The following LPIN1 variants were observed in gnomAD, a reference collection of about 807,000 sequenced individuals.
LPIN1 encodes the protein lipin 1, also known as phosphatidate phosphatase LPIN1.
In LPIN1, 71 loss-of-function variants were observed where a neutral mutation model predicts 107.5. The ratio of observed to expected loss-of-function variants is 0.66; its 90% CI spans 0.55 to 0.80. LPIN1 has a LOEUF of 0.80. Among genes scored for constraint, LPIN1 ranks in the 30% least tolerant of loss-of-function variants. The pLI is 0.00. For synonymous variants in LPIN1, 445 were observed against 452.6 expected (o/e 0.98, Z 0.21); for missense variants, 1,043 against 1,160.6 (o/e 0.90, Z 1.47).
At position 11,787,082 on chromosome 2, in the gene LPIN1, C is replaced by G. The variant is rs770287162; in HGVS notation, c.1558C>G (p.Leu520Val). 2 of 1,613,090 alleles carry G rather than the reference C, an allele frequency of 1.2e-6. No individual in the cohort carries two copies. The highest frequency in any genetic ancestry group is 1.7e-6 in the Non-Finnish European group (2 of 1,179,032). The change falls in exon 11 of 21, where the codon CTG (leucine) becomes GTG (valine). Residue 520 changes from leucine (L) to valine (V), a missense_variant. Physicochemically the swap from Leu to Val is conservative, Grantham distance 32. Coordinates refer to ENST00000674199, the MANE Select transcript of LPIN1 (RefSeq NM_001349206.2). ...DHREITKDAF[L>V]EQAVSYQQFV... ...TGCAATTGCTGTCACAGATGCATTC[C>G]TGGAGCAAGCTGTGTCATATCAACA...
At chr2:11,750,116 C>G (rs765579627) in intron 1 of LPIN1, among the ~76,000 whole-genome samples, 1 of 152,120 alleles carries the variant, frequency 6.6e-6, no homozygotes, top group South Asian at 2.1e-4. Flanking sequence ...TGGAAGCCCT[C>G]GCACCTCTCC....
At chr2:11,809,260 G>C (rs1679238116) in intron 17 of LPIN1, among the ~76,000 whole-genome samples, 1 of 152,102 alleles carries the variant, frequency 6.6e-6, no homozygotes, top group African/African-American at 2.4e-5. Flanking sequence ...TTTCATACAT[G>C]CTTTTATATT....
At chr2:11,787,523 C>T (rs919972911) in intron 11 of LPIN1, among the ~76,000 whole-genome samples, 16 of 151,418 alleles carry the variant, frequency 1.1e-4, no homozygotes, top group African/African-American at 3.2e-4. Flanking sequence ...ACCTCCGCCT[C>T]GCAAAGTGCT....
rs201699949 is a variant in LPIN1, at chr2:11,773,605, T to C, written c.597-15T>C. 2.2e-5 allele frequency: 35 copies of C among 1,607,832 alleles called. No homozygotes were observed. Among genetic ancestry groups the C allele is most frequent in the Admixed American group, 5.0e-5 (3 of 59,948 alleles). On this transcript the variant is annotated splice_polypyrimidine_tract_variant and intron_variant, in intron 4 of 20. Transcript: ENST00000674199. ...TAAGAATTCTTTGACTTTAATCTTT[T>C]TTTTTTTCCTCCAGAACTCTTCCTA... is the stretch of plus-strand genomic sequence containing the variant.
chr2:11,760,527 G>A (rs926485035), intron 1 of LPIN1, among the ~76,000 whole-genome samples: 1 of 152,218 alleles, frequency 6.6e-6, no homozygotes, highest in African/African-American at 2.4e-5. Context: ...CAAAAAATAC[G>A]AAAACCAGTC....
intron 1 of LPIN1, among the ~76,000 whole-genome samples, chr2:11,749,131 T>TG (rs1558794805): frequency 6.6e-6 from 1 of 152,020 alleles, no homozygotes; most frequent in Non-Finnish European, 1.5e-5. Context: ...ACGGGGTGTG[T>TG]GGGGAAAAAA....
intron 1 of LPIN1, among the ~76,000 whole-genome samples, chr2:11,701,344 C>T (rs1558731408): frequency 6.6e-6 from 1 of 152,092 alleles, no homozygotes; most frequent in Non-Finnish European, 1.5e-5. Context: ...TCGTAATTAC[C>T]CCACTGATGA....
chr2:11,815,453 C>T (rs545007132), intron 18 of LPIN1, among the ~76,000 whole-genome samples: 11 of 152,304 alleles, frequency 7.2e-5, no homozygotes, highest in East Asian at 3.9e-4. Context: ...AGGAGCTTGG[C>T]GCTTGGTGGC....
rs190591514 is a variant in LPIN1, at chr2:11,825,626, C to T, written c.*835C>T. 9 of 152,768 alleles carry T rather than the reference C, an allele frequency of 5.9e-5. No homozygotes were observed. Among genetic ancestry groups the T allele is most frequent in the African/African-American group, 1.7e-4 (7 of 41,580 alleles). 9.5% of individuals were successfully genotyped at this position (152,768 alleles called of 1,614,324 possible). On this transcript the variant is annotated 3_prime_UTR_variant, in exon 21 of 21. Coordinates refer to ENST00000674199, the MANE Select transcript of LPIN1 (RefSeq NM_001349206.2). This position sits in a 1 kb window ranked among gnomAD's most constrained non-coding sequence, Gnocchi z 4.1. Reference sequence around the variant, plus strand: ...GGCAGTATTTTGAATGAGTTTGACACTGCCGGCTTCCTTCCATCCAGCGAG... The same window carrying T: ...GGCAGTATTTTGAATGAGTTTGACATTGCCGGCTTCCTTCCATCCAGCGAG...
intron 1 of LPIN1, among the ~76,000 whole-genome samples, chr2:11,734,545 C>A (rs1163013328): frequency 6.6e-6 from 1 of 152,174 alleles, no homozygotes; most frequent in African/African-American, 2.4e-5. Context: ...TTACCCAAGA[C>A]CCAAGAGGGA....
intron 14 of LPIN1, among the ~76,000 whole-genome samples, chr2:11,799,383 CTGTT>C (rs1677285851): frequency 6.6e-6 from 1 of 151,848 alleles, no homozygotes; most frequent in African/African-American, 2.4e-5. Context: ...TCACTCCAAA[CTGTT>C]TGGTTGGAAC....
chr2:11,810,869 C>G (rs1360162033), intron 17 of LPIN1, among the ~76,000 whole-genome samples: 1 of 152,168 alleles, frequency 6.6e-6, no homozygotes, highest in Non-Finnish European at 1.5e-5. Context: ...ATTTAAATCT[C>G]CCCGAGTCAG....
At chr2:11,727,808 C>G (rs1386194774) in intron 1 of LPIN1, among the ~76,000 whole-genome samples, 1 of 152,150 alleles carries the variant, frequency 6.6e-6, no homozygotes, top group Non-Finnish European at 1.5e-5. Flanking sequence ...TTTTTTCAAT[C>G]CTAGTACCCA....
At chr2:11,686,595 G>A (rs1470713888) in intron 1 of LPIN1, among the ~76,000 whole-genome samples, 1 of 152,110 alleles carries the variant, frequency 6.6e-6, no homozygotes, top group Non-Finnish European at 1.5e-5. Context: ...ACAGGAACAG[G>A]GTGGGTAGCC....
upstream of LPIN1, among the ~76,000 whole-genome samples, chr2:11,742,618 T>C (rs1384728291): frequency 1.3e-5 from 2 of 152,372 alleles, no homozygotes; most frequent in Admixed American, 1.3e-4. Context: ...TTCTAAGTAA[T>C]GGAGTTCTCT....
At chr2:11,787,421 G>T (rs1217150894) in intron 11 of LPIN1, among the ~76,000 whole-genome samples, 16 of 87,126 alleles carry the variant, frequency 1.8e-4, no homozygotes, top group Non-Finnish European at 3.2e-4. Context: ...TTTTTTTTGC[G>T]ACAAGGTGTA....
intron 12 of LPIN1, among the ~76,000 whole-genome samples, chr2:11,790,810 ATATATTTTGG>A (rs1176604067): frequency 6.6e-6 from 1 of 152,078 alleles, no homozygotes; most frequent in African/African-American, 2.4e-5. Flanking sequence ...TTTAGTTACC[ATATATTTTGG>A]TATATTTTAA....
Position 11,787,132 on chromosome 2 carries a change from C to T in LPIN1, c.1608C>T (p.Ile536=), listed in dbSNP as rs374073291. Residue 536 remains isoleucine (I), a synonymous_variant, in exon 11 of 21, where the codon ATC becomes ATT. Coordinates refer to ENST00000674199, the MANE Select transcript of LPIN1 (RefSeq NM_001349206.2). The part of the protein sequence containing the change: ...YQQFVDNPAI[I]DDPNLVVKIG... ...AGTTTGTGGACAACCCCGCTATTAT[C>T]GATGACCCCAATCTCGTGGTAAAGA... is the stretch of plus-strand genomic sequence containing the variant. 1.3e-5 allele frequency: 21 copies of T among 1,614,036 alleles called. No homozygotes were observed. The highest frequency in any genetic ancestry group is 2.7e-5 in the African/African-American group (2 of 75,048).
In LPIN1 at chr2:11,771,617, T is replaced by C. The variant is rs777054313; in HGVS notation, c.534T>C (p.Asp178=). ...KRDDNMNTSE[D]EDMFPIEMSS... ...ATGACAACATGAACACATCTGAGGA[T>C]GAGGACATGTTCCCCATCGAGATGA... Residue 178 remains aspartate, a synonymous_variant, in exon 4 of 21, where the codon GAT becomes GAC. Transcript: ENST00000674199. This position sits in a 1 kb window ranked among gnomAD's most constrained non-coding sequence, Gnocchi z 4.8. 6.2e-7 allele frequency: 1 copy of C among 1,609,370 alleles called. No individual in the cohort carries two copies. The highest frequency in any genetic ancestry group is 8.5e-7 in the Non-Finnish European group (1 of 1,177,854).
Sources: allele counts gnomAD v4.1 joint callset (sites outside exome capture counted in the v4.1 genomes callset), GRCh38; gene constraint gnomAD v4.1.1; non-coding constraint Gnocchi (gnomAD v3.1); transcripts MANE v1.5; gene names NCBI Gene and HGNC (gene_info 2026-07-23, HGNC 2026-07-21).